The following DAB1 variants were observed in gnomAD, a reference collection of about 807,000 sequenced individuals.
The protein encoded by DAB1 is disabled homolog 1.
In DAB1, 15 loss-of-function variants were observed where a neutral mutation model predicts 64.6. The ratio of observed to expected loss-of-function variants is 0.23; its 90% confidence interval spans 0.16 to 0.36. The LOEUF is 0.36. DAB1 is among the 10% of genes least tolerant of loss of function. The pLI, the probability that DAB1 is intolerant of heterozygous loss-of-function variation, is 1.00. For synonymous variants in DAB1, 235 were observed against 251.9 expected (o/e 0.93, Z 0.64); for missense variants, 596 against 706.7 (o/e 0.84, Z 1.78).
At chr1:57,854,318 G>T (rs940289742) in intron 1 of DAB1, among the ~76,000 whole-genome samples, 3 of 152,138 alleles carry the variant, frequency 2.0e-5, no homozygotes, top group South Asian at 2.1e-4. Context: ...ATGAGAAGAG[G>T]AATGGGATGT....
intron 4 of DAB1, among the ~76,000 whole-genome samples, chr1:58,260,543 G>T (rs966982251): frequency 2.0e-5 from 3 of 152,034 alleles, no homozygotes; most frequent in African/African-American, 7.3e-5. Context: ...AAAGTAATGC[G>T]CCTGTTGTGG....
chr1:57,775,645 TC>T (rs1413991239), intron 6 of DAB1, among the ~76,000 whole-genome samples: 1 of 151,710 alleles, frequency 6.6e-6, no homozygotes, highest in African/African-American at 2.4e-5. Flanking sequence ...TGGTGAAAGT[TC>T]CATGAGCACT....
At chr1:58,469,646 A>C (rs753785045) in intron 3 of DAB1, among the ~76,000 whole-genome samples, 3 of 152,220 alleles carry the variant, frequency 2.0e-5, no homozygotes, top group Non-Finnish European at 4.4e-5. Flanking sequence ...CTCTAGGGCT[A>C]AATCAGTCCC....
chr1:57,312,916 G>A (rs1048871042), intron 1 of DAB1, among the ~76,000 whole-genome samples: 9 of 152,134 alleles, frequency 5.9e-5, no homozygotes, highest in African/African-American at 2.2e-4. Flanking sequence ...AGAGAGGGAC[G>A]CTTTTGCTGG....
At chr1:57,148,279 T>C (rs925633582) in intron 2 of DAB1, among the ~76,000 whole-genome samples, 9 of 152,172 alleles carry the variant, frequency 5.9e-5, no homozygotes, top group African/African-American at 2.2e-4. Context: ...AGGGCAGAGA[T>C]TAATAAGAAA....
At chr1:57,384,261 A>T (rs1210448610) in intron 1 of DAB1, among the ~76,000 whole-genome samples, 1 of 152,204 alleles carries the variant, frequency 6.6e-6, no homozygotes, top group East Asian at 1.9e-4. Context: ...GCAAATAACA[A>T]GTGTTGGTGA....
chr1:57,002,478 C>T (rs888194615), intron 14 of DAB1, among the ~76,000 whole-genome samples: 1 of 152,204 alleles, frequency 6.6e-6, no homozygotes, highest in Non-Finnish European at 1.5e-5. Flanking sequence ...GAATTGGATG[C>T]TGTCATAATG....
intron 1 of DAB1, among the ~76,000 whole-genome samples, chr1:57,305,443 C>T (rs1037685051): frequency 2.6e-5 from 4 of 152,170 alleles, no homozygotes; most frequent in African/African-American, 9.7e-5. Context: ...TCAGGAGGCC[C>T]ACACATGAAA....
At chr1:58,247,720 G>A (rs540055223) in intron 4 of DAB1, among the ~76,000 whole-genome samples, 26 of 152,130 alleles carry the variant, frequency 1.7e-4, no homozygotes, top group Non-Finnish European at 3.4e-4. Flanking sequence ...CCCTCTTAGG[G>A]CTAGTATTTC....
intron 5 of DAB1, among the ~76,000 whole-genome samples, chr1:58,143,775 C>T (rs551683808): frequency 8.8e-4 from 134 of 152,308 alleles, no homozygotes; most frequent in South Asian, 2.9e-3. Flanking sequence ...ACTTTACTTA[C>T]CTTACTCAAG....
intron 1 of DAB1, among the ~76,000 whole-genome samples, chr1:57,398,882 C>A (rs578070198): frequency 2.0e-5 from 3 of 152,144 alleles, no homozygotes; most frequent in Non-Finnish European, 4.4e-5. Context: ...TTCTGTGTGG[C>A]CTTTCCTTCC....
At chr1:57,366,021 G>A (rs1047467239) in intron 1 of DAB1, among the ~76,000 whole-genome samples, 1 of 152,142 alleles carries the variant, frequency 6.6e-6, no homozygotes. Context: ...AAAGATGAGC[G>A]GAAAGCTAGG....
At chr1:57,094,656 A>G (rs1191449173) in intron 4 of DAB1, among the ~76,000 whole-genome samples, 2 of 152,144 alleles carry the variant, frequency 1.3e-5, no homozygotes, top group African/African-American at 4.8e-5. Context: ...TATTTTGTGT[A>G]TTTTTCATGT....
chr1:58,061,174 T>C (rs1309327459), intron 5 of DAB1, among the ~76,000 whole-genome samples: 1 of 152,118 alleles, frequency 6.6e-6, no homozygotes, highest in Non-Finnish European at 1.5e-5. Flanking sequence ...CAGTGACAAA[T>C]CCACAGGCTT....
At chr1:57,099,184 A>G (rs1345996630) in intron 4 of DAB1, among the ~76,000 whole-genome samples, 1 of 152,220 alleles carries the variant, frequency 6.6e-6, no homozygotes, top group Non-Finnish European at 1.5e-5. Context: ...TACACAGACA[A>G]GGAAAAACAA....
chr1:58,344,879 A>AT (rs1643979221), intron 3 of DAB1, among the ~76,000 whole-genome samples: 2 of 151,918 alleles, frequency 1.3e-5, no homozygotes, highest in African/African-American at 4.8e-5. Context: ...AATACTCAAA[A>AT]TATTATTCTC....
chr1:58,324,341 A>G (rs1240650171), intron 4 of DAB1, among the ~76,000 whole-genome samples: 1 of 152,220 alleles, frequency 6.6e-6, no homozygotes, highest in Non-Finnish European at 1.5e-5. Flanking sequence ...TAATCTATTC[A>G]TAAAAATTAT....
chr1:58,032,089 G>A (rs1202850347), intron 5 of DAB1, among the ~76,000 whole-genome samples: 1 of 150,268 alleles, frequency 6.7e-6, no homozygotes, highest in Non-Finnish European at 1.5e-5. Context: ...CTATGGACAA[G>A]CAGTATCTGC....
At chr1:58,364,359 G>T (rs61778965) in intron 3 of DAB1, among the ~76,000 whole-genome samples, 14,158 of 152,188 alleles carry the variant, frequency 0.093, 666 homozygotes, top group Middle Eastern at 0.13. Flanking sequence ...GCAAACAAAT[G>T]GGGAGCAGAA....
Sources: allele counts gnomAD v4.1 joint callset (sites outside exome capture counted in the v4.1 genomes callset), GRCh38; gene constraint gnomAD v4.1.1; transcripts MANE v1.5; gene names NCBI Gene and HGNC (gene_info 2026-07-23, HGNC 2026-07-21).